The following PKHD1 variants were observed in gnomAD, a reference collection of about 807,000 sequenced individuals.
PKHD1 encodes PKHD1 ciliary IPT domain containing fibrocystin/polyductin, also known as fibrocystin.
PKHD1 carries 291 observed loss-of-function variants against 412.0 expected under a neutral mutation model. The ratio of observed to expected loss-of-function variants is 0.71; its 90% CI spans 0.64 to 0.78. The LOEUF is 0.78. PKHD1 is among the 30% of genes least tolerant of loss of function. PKHD1 has a pLI of 0.00. For synonymous variants in PKHD1, 1,777 were observed against 1,821.5 expected, an observed-to-expected ratio of 0.98 and a Z score of 0.62; for missense variants, 4,825 against 4,950.7, an observed-to-expected ratio of 0.97 and a Z score of 0.76.
At chr6:51,840,301 G>T (rs1769949844) in intron 50 of PKHD1, among the ~76,000 whole-genome samples, 1 of 152,024 alleles carries the variant, frequency 6.6e-6, no homozygotes, top group Admixed American at 6.6e-5. Flanking sequence ...CATAAAACAT[G>T]ATCCTTTAAA....
intron 52 of PKHD1, among the ~76,000 whole-genome samples, chr6:51,805,337 T>C (rs1287462253): frequency 1.4e-5 from 2 of 138,214 alleles, no homozygotes; most frequent in African/African-American, 2.6e-5. Context: ...TGGGTACACA[T>C]GGACATAGAA....
chr6:51,939,074 C>T lies in PKHD1; in HGVS notation c.5909-4752G>A, dbSNP rs185743397. 2.9e-4 allele frequency among the ~76,000 whole-genome samples: 44 copies of T among 151,706 alleles called. 2 individuals carry two copies. Among genetic ancestry groups the T allele is most frequent in the Middle Eastern group, 6.8e-3 (2 of 294 alleles). ...GGATGTCTGCCTGATTATTCACCCA[C>T]ATTTCAGAGGTGTCTGACCACGTGG... On this transcript the variant is annotated intron_variant, in intron 36 of 66. Transcript: ENST00000371117.
chr6:51,619,474 G>A lies in PKHD1; in HGVS notation c.11832C>T (p.His3944=). 1.9e-6 allele frequency: 3 copies of A among 1,614,090 alleles called. No homozygotes were observed. Among genetic ancestry groups the A allele is most frequent in the Non-Finnish European group, 2.5e-6 (3 of 1,179,962 alleles). ...VMLGKVNQCP[H]QLMNGVSRRK... ...TTCTGGACACTCCATTCATCAACTGGTGGGGGCACTGGTTCACCTTGCCCA... is the reference window on the plus strand; with the variant it reads ...TTCTGGACACTCCATTCATCAACTGATGGGGGCACTGGTTCACCTTGCCCA... Residue 3944 remains histidine (H), a synonymous_variant, in exon 67 of 67, where the codon CAC becomes CAT. Transcript: ENST00000371117.
intron 37 of PKHD1, among the ~76,000 whole-genome samples, chr6:51,929,711 C>A (rs1786278777): frequency 6.6e-6 from 1 of 152,190 alleles, no homozygotes; most frequent in African/African-American, 2.4e-5. Flanking sequence ...GAAAACAAAC[C>A]ATATCTAAGC....
At chr6:51,708,394 T>G (rs900253170) in intron 60 of PKHD1, among the ~76,000 whole-genome samples, 2 of 152,240 alleles carry the variant, frequency 1.3e-5, no homozygotes, top group African/African-American at 4.8e-5. Flanking sequence ...ATTTATCTCT[T>G]GTCCCTATCC....
intron 53 of PKHD1, among the ~76,000 whole-genome samples, chr6:51,787,950 T>C (rs1281684794): frequency 1.3e-5 from 2 of 152,186 alleles, no homozygotes; most frequent in Admixed American, 1.3e-4. Flanking sequence ...ATCTCTCAAT[T>C]AATTGGATGA....
chr6:51,898,983 G>C (rs970870608), intron 43 of PKHD1, among the ~76,000 whole-genome samples: 10 of 152,166 alleles, frequency 6.6e-5, no homozygotes, highest in African/African-American at 1.2e-4. Flanking sequence ...TTGAATCTCT[G>C]AATAGACCAA....
chr6:52,034,209 A>G (rs1803557969), intron 28 of PKHD1, among the ~76,000 whole-genome samples: 1 of 151,736 alleles, frequency 6.6e-6, no homozygotes, highest in Admixed American at 6.6e-5. Context: ...ATAAAAGAAA[A>G]AAATATACTA....
chr6:51,775,581 G>C (rs1790889877), intron 54 of PKHD1, among the ~76,000 whole-genome samples: 1 of 151,900 alleles, frequency 6.6e-6, no homozygotes, highest in South Asian at 2.1e-4. Context: ...CTATAAAGCT[G>C]TGTGGTTTTC....
At chr6:51,864,732 TA>T (rs1477639063) in intron 48 of PKHD1, among the ~76,000 whole-genome samples, 2 of 152,212 alleles carry the variant, frequency 1.3e-5, no homozygotes, top group Non-Finnish European at 2.9e-5. Flanking sequence ...TAGCCCAATC[TA>T]TCCAAAATAT....
chr6:51,835,191 A>G (rs904145026), intron 51 of PKHD1, among the ~76,000 whole-genome samples: 7 of 152,166 alleles, frequency 4.6e-5, no homozygotes, highest in Non-Finnish European at 1.0e-4. Flanking sequence ...TCATCATACT[A>G]CATGCTGAGT....
chr6:51,782,075 A>G (rs1324779541), intron 53 of PKHD1, among the ~76,000 whole-genome samples: 1 of 151,722 alleles, frequency 6.6e-6, no homozygotes, highest in African/African-American at 2.4e-5. Flanking sequence ...TTTAATAACT[A>G]AATAAATCCT....
At chr6:51,681,903 C>T (rs927855566) in intron 60 of PKHD1, among the ~76,000 whole-genome samples, 3 of 152,048 alleles carry the variant, frequency 2.0e-5, no homozygotes, top group African/African-American at 7.2e-5. Flanking sequence ...TGCCACCTGG[C>T]CCTTAACAGA....
chr6:52,041,839 A>C (rs181937929), intron 27 of PKHD1, among the ~76,000 whole-genome samples: 1 of 152,290 alleles, frequency 6.6e-6, no homozygotes, highest in East Asian at 1.9e-4. Context: ...GTCCCAAGCA[A>C]ACTGGGAAAG....
At chr6:51,848,078 A>T in intron 49 of PKHD1, 108 bp from the exon 50 acceptor site, 2 of 761,456 alleles carry the variant, frequency 2.6e-6, no homozygotes, top group Non-Finnish European at 4.7e-6. Flanking sequence ...ACGCAGATGG[A>T]GTAGTTTAGA....
intron 36 of PKHD1, among the ~76,000 whole-genome samples, chr6:51,940,903 CT>C (rs1201755329): frequency 2.0e-5 from 3 of 151,434 alleles, no homozygotes; most frequent in Non-Finnish European, 3.0e-5. Flanking sequence ...TTATGCACTC[CT>C]TTTTAGTTAT....
chr6:51,620,787 C>CATATATAT lies in PKHD1; in HGVS notation c.11786-1275_11786-1268dup, dbSNP rs534708807. 1.3e-3 allele frequency among the ~76,000 whole-genome samples: 198 copies of CATATATAT among 146,798 alleles called. 1 individual carries two copies. Among genetic ancestry groups the CATATATAT allele is most frequent in the African/African-American group, 4.8e-3 (192 of 40,274 alleles). On this transcript the variant is annotated intron_variant, in intron 66 of 66. Coordinates refer to ENST00000371117, the MANE Select transcript of PKHD1 (RefSeq NM_138694.4). ...AGAGAAAGTAATAACATTATATATA[C>CATATATAT]ATATATATATATGTATATATATATA...
chr6:51,638,132 G>A (rs2150325230), intron 64 of PKHD1, among the ~76,000 whole-genome samples: 1 of 152,250 alleles, frequency 6.6e-6, no homozygotes, highest in South Asian at 2.1e-4. Flanking sequence ...AGTTAAGGAT[G>A]CAAATGATAT....
chr6:51,738,816 T>G (rs1784184868), intron 60 of PKHD1, among the ~76,000 whole-genome samples: 1 of 152,084 alleles, frequency 6.6e-6, no homozygotes, highest in Non-Finnish European at 1.5e-5. Flanking sequence ...CTGCTCCCTC[T>G]GCCTGGAAGT....
Sources: allele counts gnomAD v4.1 joint callset (sites outside exome capture counted in the v4.1 genomes callset), GRCh38; gene constraint gnomAD v4.1.1; transcripts MANE v1.5; gene names NCBI Gene and HGNC (gene_info 2026-07-23, HGNC 2026-07-21).